The following KALRN variants were observed in gnomAD, a reference collection of about 807,000 sequenced individuals.
The protein encoded by KALRN is kalirin RhoGEF kinase.
A neutral mutation model predicts 353.7 loss-of-function variants in KALRN; 70 were observed. That is an observed-to-expected ratio of 0.20 (90% CI 0.16 to 0.24). KALRN has a LOEUF of 0.24. KALRN is among the 10% of genes least tolerant of loss of function. The pLI is 1.00. For missense variants in KALRN, 2,791 were observed against 3,756.7 expected, an observed-to-expected ratio of 0.74 and a Z score of 6.72; for synonymous variants, 1,391 against 1,434.8, an observed-to-expected ratio of 0.97 and a Z score of 0.69.
At chr3:124,491,289 T>G in intron 30 of KALRN, 34 bp from the exon 31 acceptor site, 5 of 1,015,632 alleles carry the variant, frequency 4.9e-6, no homozygotes, top group Non-Finnish European at 7.0e-6. Flanking sequence ...TGCCCTCCCC[T>G]TCCCCGCCTC....
intron 1 of KALRN, among the ~76,000 whole-genome samples, chr3:124,197,958 A>G (rs947460662): frequency 2.6e-5 from 4 of 152,154 alleles, no homozygotes; most frequent in African/African-American, 9.7e-5. Context: ...AGTGATTCAA[A>G]TGACTTCCAT....
At chr3:124,557,597 A>T (rs950684037) in intron 33 of KALRN, among the ~76,000 whole-genome samples, 1 of 152,156 alleles carries the variant, frequency 6.6e-6, no homozygotes, top group African/African-American at 2.4e-5. Context: ...CCAGCTTTAC[A>T]TTTTTTGCCA....
chr3:124,432,482 G>T (rs1305649130), intron 16 of KALRN, among the ~76,000 whole-genome samples: 1 of 152,182 alleles, frequency 6.6e-6, no homozygotes, highest in Non-Finnish European at 1.5e-5. Flanking sequence ...CGAAGAAAAT[G>T]AAGGCTGAGC....
chr3:124,301,001 A>G lies in KALRN; in HGVS notation c.1092+2088A>G, dbSNP rs74378510. Among the ~76,000 whole-genome samples the G allele has an allele frequency of 1.3e-3, 191 of 152,232 alleles. 4 individuals carry two copies. The East Asian group carries it at 0.033, about 27-fold the overall frequency. ...GTCTGATTATTTGTGTGCCTTGTGG[A>G]TTTTCCCTGGTGAGTTTTACAAATT... On this transcript the variant is annotated intron_variant, in intron 6 of 59. Coordinates refer to ENST00000682506, the MANE Select transcript of KALRN (RefSeq NM_001388419.1).
At chr3:124,702,155 C>A in intron 57 of KALRN, 39 bp downstream of exon 57, 2 of 1,260,408 alleles carry the variant, frequency 1.6e-6, no homozygotes, top group Non-Finnish European at 2.3e-6. Context: ...TCATGAACAC[C>A]TAGCAACATC....
At chr3:124,051,715 C>T (rs555001217) in intron 1 of KALRN, among the ~76,000 whole-genome samples, 14 of 152,252 alleles carry the variant, frequency 9.2e-5, no homozygotes, top group African/African-American at 3.4e-4. Flanking sequence ...GTTCAAACAG[C>T]GCTAGGGGCT....
chr3:124,686,021 T>G (rs1395392304), intron 51 of KALRN, among the ~76,000 whole-genome samples: 2 of 152,298 alleles, frequency 1.3e-5, no homozygotes, highest in South Asian at 4.1e-4. Context: ...CACAAGGCAT[T>G]GCAGTGATTA....
In KALRN at chr3:124,413,448, G is replaced by A. The variant is rs143315847; in HGVS notation, c.2347-22G>A. ...CTCGTGGACCTGGTGAGCCTGTGCT[G>A]ATGACAGTGGTTCCCTCACAGGTGA... is the stretch of plus-strand genomic sequence containing the variant. On this transcript the variant is annotated intron_variant, in intron 13 of 59. Transcript: ENST00000682506. 2.5e-6 allele frequency: 4 copies of A among 1,609,146 alleles called. No individual in the cohort carries two copies. In the South Asian group the frequency reaches 3.3e-5, roughly 13 times the overall value.
chr3:124,329,780 G>C (rs1465443340), intron 7 of KALRN, 81 bp from the exon 8 acceptor site: 3 of 1,491,938 alleles, frequency 2.0e-6, no homozygotes, highest in Non-Finnish European at 2.7e-6. Context: ...TCTTCCCAAG[G>C]TATCTGACCC....
At chr3:124,403,002 A>C (rs774411277) in intron 13 of KALRN, among the ~76,000 whole-genome samples, 18 of 152,224 alleles carry the variant, frequency 1.2e-4, no homozygotes, top group Non-Finnish European at 2.4e-4. Context: ...AGGTTAGTTT[A>C]GTTAAAACTA....
intron 21 of KALRN, among the ~76,000 whole-genome samples, chr3:124,449,049 G>A (rs1466667499): frequency 6.6e-6 from 1 of 152,190 alleles, no homozygotes; most frequent in Non-Finnish European, 1.5e-5. Context: ...ACCCAGTTGA[G>A]GAGCTTCTGA....
chr3:124,496,347 G>A lies in KALRN; in HGVS notation c.4869G>A (p.Gly1623=). The change falls in exon 33 of 60, where the codon GGG becomes GGA. Residue 1623 remains glycine (G), a synonymous_variant. Transcript: ENST00000682506. ...AGGATATTGACAGCCAGGGGGATGG[G>A]AGCAGCCAACCAGACACCATCTCCA... ...GVEDIDSQGD[G]SSQPDTISIA... The A allele has an allele frequency of 1.9e-6, 3 of 1,613,376 alleles. No homozygotes were observed. Among genetic ancestry groups the A allele is most frequent in the Admixed American group, 1.7e-5 (1 of 59,948 alleles).
intron 2 of KALRN, among the ~76,000 whole-genome samples, chr3:124,233,263 G>A (rs1198725713): frequency 1.3e-5 from 2 of 152,224 alleles, no homozygotes; most frequent in Non-Finnish European, 2.9e-5. Context: ...GTCAAGGATA[G>A]AGGGGAAGGT....
chr3:124,682,261 G>A (rs1480300345), intron 51 of KALRN, among the ~76,000 whole-genome samples: 1 of 152,130 alleles, frequency 6.6e-6, no homozygotes, highest in Non-Finnish European at 1.5e-5. Context: ...GGTCATTTGG[G>A]GCATCATTCC....
At chr3:124,124,142 T>C (rs758055607) in intron 1 of KALRN, among the ~76,000 whole-genome samples, 3 of 152,208 alleles carry the variant, frequency 2.0e-5, no homozygotes, top group Non-Finnish European at 4.4e-5. Context: ...CTGAGAAGGA[T>C]TCATCATTGT....
At position 124,269,237 on chromosome 3, in the gene KALRN, C is replaced by A. The variant is rs202144425; in HGVS notation, c.951C>A (p.Phe317Leu). The change falls in exon 5 of 60, where the codon TTC becomes TTA. Residue 317 changes from phenylalanine to leucine, a missense_variant. By Grantham distance (22) the Phe-to-Leu change is conservative. Coordinates refer to ENST00000682506, the MANE Select transcript of KALRN (RefSeq NM_001388419.1). Reference sequence around the variant, plus strand: ...ACCAGTGCTTTCAGCTGCGGCTCTTCGAGCAGGATGCTGAGAAGGTAGGAA... The same window carrying A: ...ACCAGTGCTTTCAGCTGCGGCTCTTAGAGCAGGATGCTGAGAAGGTAGGAA... ...KLDQCFQLRL[F>L]EQDAEKMFDW... 1 of 1,598,234 alleles carries A rather than the reference C, an allele frequency of 6.3e-7. No individual in the cohort carries two copies. Among genetic ancestry groups the A allele is most frequent in the Middle Eastern group, 1.8e-4 (1 of 5,454 alleles).
Position 124,514,537 on chromosome 3 carries a change from A to G in KALRN, c.4935+18124A>G, listed in dbSNP as rs148223053. Among the ~76,000 whole-genome samples the G allele has an allele frequency of 6.8e-4, 104 of 152,142 alleles. 1 individual carries two copies. The highest frequency in any genetic ancestry group is 2.5e-3 in the African/African-American group (102 of 41,478). On this transcript the variant is annotated intron_variant, in intron 33 of 59. Coordinates refer to ENST00000682506, the MANE Select transcript of KALRN (RefSeq NM_001388419.1). ...AATATGAGCCTGGCATTTTACATGTACTCTCTCCTGTCATTCCCACAACAA... is the reference window on the plus strand; with the variant it reads ...AATATGAGCCTGGCATTTTACATGTGCTCTCTCCTGTCATTCCCACAACAA...
chr3:124,293,510 T>C (rs559370022), intron 5 of KALRN, among the ~76,000 whole-genome samples: 61 of 152,320 alleles, frequency 4.0e-4, no homozygotes, highest in Admixed American at 7.8e-4. Context: ...CTAATTTGCA[T>C]TTAAGTAGAT....
chr3:124,268,886 G>T lies in KALRN; in HGVS notation c.600G>T (p.Val200=), dbSNP rs1210227218. 2 of 1,613,980 alleles carry T rather than the reference G, an allele frequency of 1.2e-6. No individual in the cohort carries two copies. Among genetic ancestry groups the T allele is most frequent in the East Asian group, 2.2e-5 (1 of 44,878 alleles). The change falls in exon 5 of 60, where the codon GTG becomes GTT. Residue 200 remains valine, a synonymous_variant. Coordinates refer to ENST00000682506, the MANE Select transcript of KALRN (RefSeq NM_001388419.1). ...TGGAGGAGTTCTTCAACAGCGCCGT[G>T]CACCTGCTCTCGCGCCTCGAGGACC... ...LSLEEFFNSA[V]HLLSRLEDLQ...
Sources: allele counts gnomAD v4.1 joint callset (sites outside exome capture counted in the v4.1 genomes callset), GRCh38; gene constraint gnomAD v4.1.1; transcripts MANE v1.5; gene names NCBI Gene and HGNC (gene_info 2026-07-23, HGNC 2026-07-21).